The following ROBO1 variants were observed in gnomAD, a reference collection of about 807,000 sequenced individuals.
The protein encoded by ROBO1 is roundabout homolog 1.
ROBO1 carries 149 observed loss-of-function variants against 195.9 expected under a neutral mutation model. That is an observed-to-expected ratio of 0.76 (90% CI 0.67 to 0.87). ROBO1 has a LOEUF of 0.87. Among genes scored for constraint, ROBO1 ranks in the 40% least tolerant of loss-of-function variants. ROBO1 has a pLI of 0.00. For missense variants in ROBO1, 1,933 were observed against 2,068.3 expected (o/e 0.93, Z 1.27); for synonymous variants, 816 against 733.2 (o/e 1.11, Z -1.82).
intron 2 of ROBO1, among the ~76,000 whole-genome samples, chr3:79,523,068 C>T (rs1337255166): frequency 6.6e-6 from 1 of 151,934 alleles, no homozygotes; most frequent in Non-Finnish European, 1.5e-5. Context: ...AAACAACAAG[C>T]TGATCTAGTT....
intron 4 of ROBO1, among the ~76,000 whole-genome samples, chr3:78,864,701 T>C (rs1190068635): frequency 6.6e-6 from 1 of 151,966 alleles, no homozygotes; most frequent in African/African-American, 2.4e-5. Context: ...TGTATGTATA[T>C]ATACATATAT....
chr3:78,796,881 C>T (rs911207583), intron 4 of ROBO1, among the ~76,000 whole-genome samples: 3 of 152,146 alleles, frequency 2.0e-5, no homozygotes, highest in Admixed American at 1.3e-4. Context: ...GGCTTTTCAT[C>T]TCCTTCAGAA....
intron 3 of ROBO1, among the ~76,000 whole-genome samples, chr3:79,090,493 TTTC>T (rs556844473): frequency 1.5e-5 from 2 of 136,114 alleles, no homozygotes; most frequent in South Asian, 5.2e-4. Flanking sequence ...TTCCCTTCCC[TTTC>T]TTTTGTTTTT....
intron 3 of ROBO1, among the ~76,000 whole-genome samples, chr3:79,099,610 G>T (rs1163506986): frequency 6.6e-6 from 1 of 151,726 alleles, no homozygotes; most frequent in Non-Finnish European, 1.5e-5. Context: ...GATTTGTGTA[G>T]ATCACCATAT....
At chr3:79,143,009 C>G (rs1371108381) in intron 2 of ROBO1, among the ~76,000 whole-genome samples, 1 of 152,038 alleles carries the variant, frequency 6.6e-6, no homozygotes, top group African/African-American at 2.4e-5. Flanking sequence ...CAACATAAAC[C>G]GTAAAAGTGT....
intron 3 of ROBO1, among the ~76,000 whole-genome samples, chr3:78,967,541 T>A (rs1274721886): frequency 6.6e-6 from 1 of 152,166 alleles, no homozygotes; most frequent in Non-Finnish European, 1.5e-5. Flanking sequence ...CTTCCCGAAT[T>A]TAGACTGAAC....
At chr3:78,874,868 C>T (rs955927131) in intron 4 of ROBO1, among the ~76,000 whole-genome samples, 1 of 151,820 alleles carries the variant, frequency 6.6e-6, no homozygotes, top group African/African-American at 2.4e-5. Context: ...TACCTCAAAA[C>T]AAATACCTCT....
chr3:79,713,554 A>AT (rs1463261987), intron 1 of ROBO1, among the ~76,000 whole-genome samples: 12 of 152,056 alleles, frequency 7.9e-5, no homozygotes, highest in Admixed American at 4.6e-4. Context: ...TAGAACTAGA[A>AT]TTAGAAGTGA....
In ROBO1 at chr3:78,651,854, G is replaced by T; in HGVS notation, c.2690C>A (p.Pro897Gln). Residue 897 changes from proline (P) to glutamine (Q), a missense_variant, in exon 19 of 31, where the codon CCG becomes CAG. Physicochemically the swap from Pro to Gln is moderately conservative, Grantham distance 76. This residue lies in a region of ROBO1 where 1,737 missense variants were observed against 1,882.5 expected (regional missense o/e 0.92). Coordinates refer to ENST00000464233, the MANE Select transcript of ROBO1 (RefSeq NM_002941.4). Reference protein sequence around the residue: ...AQQISDVVKQPAFIAGIGAAC... With the variant: ...AQQISDVVKQQAFIAGIGAAC... ...TGCTCCAATACCTGCTATGAAGGCC[G>T]GCTGCTTCACCACATCTGAAATCTG... The T allele has an allele frequency of 1.2e-6, 2 of 1,613,728 alleles. No homozygotes were observed. Among genetic ancestry groups the T allele is most frequent in the Non-Finnish European group, 1.7e-6 (2 of 1,179,744 alleles).
At chr3:79,645,549 C>T (rs1945795030) in intron 1 of ROBO1, among the ~76,000 whole-genome samples, 2 of 151,832 alleles carry the variant, frequency 1.3e-5, no homozygotes, top group Non-Finnish European at 1.5e-5. Flanking sequence ...TCTATTCTAC[C>T]CAAAGCAATT....
At chr3:79,500,331 TG>T (rs1321050578) in intron 2 of ROBO1, among the ~76,000 whole-genome samples, 1 of 152,032 alleles carries the variant, frequency 6.6e-6, no homozygotes, top group Non-Finnish European at 1.5e-5. Flanking sequence ...GGTTTCACCA[TG>T]TTGGCCAGGC....
chr3:79,090,325 C>T (rs1345340437), intron 3 of ROBO1, among the ~76,000 whole-genome samples: 1 of 152,020 alleles, frequency 6.6e-6, no homozygotes, highest in Non-Finnish European at 1.5e-5. Context: ...GGCTATAAAT[C>T]ATAATTAGAA....
At chr3:79,237,990 C>T (rs1288097206) in intron 2 of ROBO1, among the ~76,000 whole-genome samples, 1 of 152,288 alleles carries the variant, frequency 6.6e-6, no homozygotes, top group East Asian at 1.9e-4. Flanking sequence ...ACCTGACCTA[C>T]ATGGATTGTG....
At chr3:79,182,570 T>TGTGTGTGTGTGCGC (rs779706587) in intron 2 of ROBO1, among the ~76,000 whole-genome samples, 22 of 150,030 alleles carry the variant, frequency 1.5e-4, no homozygotes, top group African/African-American at 5.5e-4. Context: ...TGTGTGTGTG[T>TGTGTGTGTGTGCGC]GCGTGCGTGC....
intron 2 of ROBO1, among the ~76,000 whole-genome samples, chr3:79,386,370 A>G (rs544909234): frequency 2.0e-5 from 3 of 152,266 alleles, no homozygotes; most frequent in African/African-American, 4.8e-5. Context: ...ATGTATAGAT[A>G]TTCTAATAAT....
At chr3:79,574,455 C>A in intron 2 of ROBO1, among the ~76,000 whole-genome samples, 2 of 151,830 alleles carry the variant, frequency 1.3e-5, no homozygotes, top group South Asian at 4.1e-4. Context: ...TTTTATTTTT[C>A]TTTTTTTAGT....
intron 4 of ROBO1, among the ~76,000 whole-genome samples, chr3:78,809,061 A>T (rs1024270286): frequency 6.6e-6 from 1 of 152,148 alleles, no homozygotes; most frequent in African/African-American, 2.4e-5. Context: ...TGAACAGGCA[A>T]CCTACAGAAT....
At chr3:79,201,118 C>G (rs539042472) in intron 2 of ROBO1, among the ~76,000 whole-genome samples, 2 of 151,898 alleles carry the variant, frequency 1.3e-5, no homozygotes, top group Admixed American at 1.3e-4. Flanking sequence ...ATAGCCTATT[C>G]TGGACATTAT....
At chr3:79,712,080 T>C (rs959984079) in intron 1 of ROBO1, among the ~76,000 whole-genome samples, 2 of 152,006 alleles carry the variant, frequency 1.3e-5, no homozygotes, top group African/African-American at 4.8e-5. Flanking sequence ...CACACAACAA[T>C]ATTGAAACCA....
Sources: gnomAD v4.1 joint callset for allele counts (sites outside exome capture counted in the v4.1 genomes callset) on GRCh38, gnomAD v4.1.1 for gene constraint, gnomAD v4.1.1 regional missense constraint, MANE v1.5 for transcripts, NCBI Gene and HGNC (gene_info 2026-07-23, HGNC 2026-07-21) for gene names.